SEMA3A: variants seen among roughly 807,000 people sequenced by gnomAD.
The protein encoded by SEMA3A is semaphorin-3A.
A neutral mutation model predicts 97.9 loss-of-function variants in SEMA3A; 29 were observed. The observed-to-expected ratio is 0.30, with a 90% CI of 0.22 to 0.40. The LOEUF (loss-of-function observed/expected upper bound fraction) is 0.40. SEMA3A is among the 10% of genes least tolerant of loss of function. The pLI, the probability that SEMA3A is intolerant of heterozygous loss-of-function variation, is 1.00. For missense variants in SEMA3A, 763 were observed against 951.3 expected (o/e 0.80, Z 2.60); for synonymous variants, 321 against 323.7 (o/e 0.99, Z 0.09).
chr7:84,015,592 G>C (rs1044865616), intron 6 of SEMA3A, among the ~76,000 whole-genome samples: 5 of 152,106 alleles, frequency 3.3e-5, no homozygotes, highest in Non-Finnish European at 7.3e-5. Context: ...TTATCCCTTA[G>C]TGTATTATTT....
chr7:84,012,243 TTATAAG>T (rs1361580595), intron 7 of SEMA3A, among the ~76,000 whole-genome samples: 2 of 152,202 alleles, frequency 1.3e-5, no homozygotes, highest in Non-Finnish European at 2.9e-5. Context: ...CCACGAAGAA[TTATAAG>T]TATGTGAGAT....
chr7:84,351,765 G>C (rs887002306), intron 2 of SEMA3A, among the ~76,000 whole-genome samples: 1 of 151,986 alleles, frequency 6.6e-6, no homozygotes, highest in African/African-American at 2.4e-5. Context: ...GTACACTGTT[G>C]GTGGGAATGT....
intron 3 of SEMA3A, among the ~76,000 whole-genome samples, chr7:84,271,839 C>A (rs150365763): frequency 6.6e-6 from 1 of 152,198 alleles, no homozygotes; most frequent in East Asian, 1.9e-4. Flanking sequence ...CCAGAAAGCA[C>A]AGTATCAACC....
intron 1 of SEMA3A, among the ~76,000 whole-genome samples, chr7:84,411,794 C>A (rs1301616856): frequency 1.3e-5 from 2 of 152,024 alleles, no homozygotes; most frequent in East Asian, 3.9e-4. Flanking sequence ...GGTTTGTTTT[C>A]TTTCTTTTTT....
chr7:84,169,142 CAT>C, intron 1 of SEMA3A, among the ~76,000 whole-genome samples: 1 of 151,468 alleles, frequency 6.6e-6, no homozygotes, highest in Non-Finnish European at 1.5e-5. Flanking sequence ...ATGAAAATAA[CAT>C]GTCTATTGTA....
intron 1 of SEMA3A, among the ~76,000 whole-genome samples, chr7:84,143,945 TC>T (rs1562810135): frequency 1.8e-4 from 20 of 110,294 alleles, no homozygotes; most frequent in Non-Finnish European, 2.9e-4. Context: ...TCTCTCTCTC[TC>T]TCTAACACAC....
At chr7:84,094,680 A>AT (rs1794701297) in intron 4 of SEMA3A, among the ~76,000 whole-genome samples, 1 of 152,124 alleles carries the variant, frequency 6.6e-6, no homozygotes, top group Non-Finnish European at 1.5e-5. Context: ...CGATTCTAAA[A>AT]TAAAAAAAAC....
Position 84,066,878 on chromosome 7 carries a change from G to A in SEMA3A, c.454-6320C>T, listed in dbSNP as rs561272429. On this transcript the variant is annotated intron_variant, in intron 4 of 16. Coordinates refer to ENST00000265362, the MANE Select transcript of SEMA3A (RefSeq NM_006080.3). ...AATTTACAGATTGAATGCCATCCCC[G>A]TCAAGCTACCAATGCCTTTCTTCAC... Among the ~76,000 whole-genome samples the A allele has an allele frequency of 1.5e-3, 227 of 152,052 alleles. 1 individual carries two copies. In the East Asian group the frequency reaches 0.015, roughly 10 times the overall value.
At chr7:84,000,601 A>ATTGT (rs1790402097) in intron 12 of SEMA3A, among the ~76,000 whole-genome samples, 1 of 152,174 alleles carries the variant, frequency 6.6e-6, no homozygotes, top group Non-Finnish European at 1.5e-5. Flanking sequence ...TATTATGCTC[A>ATTGT]TTGTTTTACT....
chr7:84,019,743 T>C (rs1791253213), intron 6 of SEMA3A, among the ~76,000 whole-genome samples: 1 of 152,116 alleles, frequency 6.6e-6, no homozygotes, highest in Non-Finnish European at 1.5e-5. Context: ...AAAAATAGAT[T>C]TGTATACTTA....
At chr7:84,227,151 T>C (rs1799007109) in intron 3 of SEMA3A, among the ~76,000 whole-genome samples, 1 of 151,650 alleles carries the variant, frequency 6.6e-6, no homozygotes, top group Non-Finnish European at 1.5e-5. Context: ...GATATCTATA[T>C]ATCTATCTAT....
chr7:84,164,796 C>T (rs1342378343), intron 1 of SEMA3A, among the ~76,000 whole-genome samples: 1 of 152,146 alleles, frequency 6.6e-6, no homozygotes, highest in Non-Finnish European at 1.5e-5. Context: ...TAGTTCTTAA[C>T]TCTTAACACT....
chr7:84,014,180 CCTT>C, intron 7 of SEMA3A, 26 bp downstream of exon 7: 4 of 1,579,522 alleles, frequency 2.5e-6, no homozygotes, highest in Non-Finnish European at 3.4e-6. Flanking sequence ...AAAATGACAT[CCTT>C]CTCAGTTTTT....
At chr7:84,475,195 A>G (rs1234451171) in intron 1 of SEMA3A, among the ~76,000 whole-genome samples, 1 of 151,912 alleles carries the variant, frequency 6.6e-6, no homozygotes, top group Non-Finnish European at 1.5e-5. Flanking sequence ...TTAACTATAC[A>G]TATTCAACCT....
intron 1 of SEMA3A, among the ~76,000 whole-genome samples, chr7:84,407,138 A>G (rs990063003): frequency 2.0e-5 from 3 of 152,194 alleles, no homozygotes; most frequent in Non-Finnish European, 4.4e-5. Flanking sequence ...ACATGATTGT[A>G]TATCTGGAAA....
chr7:84,060,418 TGTTA>T, intron 5 of SEMA3A, 43 bp downstream of exon 5: 1 of 1,216,910 alleles, frequency 8.2e-7, no homozygotes, highest in Non-Finnish European at 1.2e-6. Context: ...ACAACCTGTT[TGTTA>T]TTTATAGAAA....
At chr7:84,046,574 C>G in intron 5 of SEMA3A, 131 bp from the exon 6 acceptor site, 1 of 927,560 alleles carries the variant, frequency 1.1e-6, no homozygotes, top group African/African-American at 1.7e-5. Context: ...CTCTCTGCAT[C>G]ATTATGCAGT....
intron 3 of SEMA3A, among the ~76,000 whole-genome samples, chr7:84,284,566 G>C (rs149617919): frequency 7.9e-5 from 12 of 152,180 alleles, no homozygotes; most frequent in African/African-American, 2.9e-4. Flanking sequence ...TTGTCTCCTA[G>C]AACTCATCAA....
At chr7:84,130,262 T>A (rs1795925741) in intron 2 of SEMA3A, among the ~76,000 whole-genome samples, 1 of 152,042 alleles carries the variant, frequency 6.6e-6, no homozygotes, top group Non-Finnish European at 1.5e-5. Context: ...TCCAGATAAT[T>A]CAGTATAAAT....
Sources: gnomAD v4.1 joint callset for allele counts (sites outside exome capture counted in the v4.1 genomes callset) on GRCh38, gnomAD v4.1.1 for gene constraint, MANE v1.5 for transcripts, NCBI Gene and HGNC (gene_info 2026-07-23, HGNC 2026-07-21) for gene names.